The following SLC25A42 variants were observed in gnomAD, a reference collection of about 807,000 sequenced individuals.
The protein encoded by SLC25A42 is solute carrier family 25 member 42.
SLC25A42 carries 19 observed loss-of-function variants against 34.7 expected under a neutral mutation model. The ratio of observed to expected loss-of-function variants is 0.55; its 90% confidence interval spans 0.38 to 0.80. SLC25A42 has a LOEUF of 0.80. SLC25A42 is among the 30% of genes least tolerant of loss of function. The pLI is 0.00. For synonymous variants in SLC25A42, 205 were observed against 191.2 expected, an observed-to-expected ratio of 1.07 and a Z score of -0.59; for missense variants, 364 against 441.3, an observed-to-expected ratio of 0.82 and a Z score of 1.57.
intron 1 of SLC25A42, among the ~76,000 whole-genome samples, chr19:19,085,952 T>C (rs1020759279): frequency 2.6e-5 from 4 of 152,318 alleles, no homozygotes; most frequent in South Asian, 2.1e-4. Flanking sequence ...CCCTCAACAC[T>C]GAGCCCCTGG....
rs575483089 is a variant in SLC25A42 at position 19,068,075 on chromosome 19, G to T, written c.-35+3960G>T. Among the ~76,000 whole-genome samples the T allele has an allele frequency of 9.9e-5, 15 of 152,246 alleles. No individual in the cohort carries two copies. The South Asian group carries it at 3.1e-3, about 32-fold the overall frequency. ...ATACTTCTTCATAAAAAGTATATTG[G>T]CCGGGCACAGTGGCTCACACCTGTA... On this transcript the variant is annotated intron_variant, in intron 1 of 7. Transcript: ENST00000318596.
chr19:19,075,074 G>A (rs2145900589), intron 1 of SLC25A42, among the ~76,000 whole-genome samples: 1 of 152,148 alleles, frequency 6.6e-6, no homozygotes, highest in South Asian at 2.1e-4. Flanking sequence ...GATCACCTGA[G>A]CCCAAAAGAT....
chr19:19,095,794 C>T, intron 1 of SLC25A42: 1 of 418,748 alleles, frequency 2.4e-6, no homozygotes, highest in South Asian at 2.0e-5. Context: ...GCTGGCCCCA[C>T]AACCCGCTGG....
At chr19:19,110,105 G>A (rs150672729) in intron 7 of SLC25A42, among the ~76,000 whole-genome samples, 3 of 152,234 alleles carry the variant, frequency 2.0e-5, no homozygotes, top group African/African-American at 7.2e-5. Flanking sequence ...CCAGCACTTT[G>A]GGAGGCCGAG....
At position 19,095,994 on chromosome 19, in the gene SLC25A42, C is replaced by A. The variant is rs115983311; in HGVS notation, c.-34-97C>A. ...ATGCAGTTGAGGGCATCCCTCCCCA[C>A]GCAGGGAGCCAGAAACTGGGATAGG... On this transcript the variant is annotated intron_variant, in intron 1 of 7. Transcript: ENST00000318596. 1,798 of 807,504 alleles carry A rather than the reference C, an allele frequency of 2.2e-3. 19 individuals carry two copies. The African/African-American group carries it at 0.028, about 12-fold the overall frequency. The allele number at this position is 807,504 out of a possible 1,614,324, so 50.0% of individuals were successfully genotyped here.
chr19:19,093,583 G>A (rs1445325030), intron 1 of SLC25A42, among the ~76,000 whole-genome samples: 2 of 152,290 alleles, frequency 1.3e-5, no homozygotes, highest in East Asian at 3.9e-4. Flanking sequence ...GGGCTGAGAC[G>A]GTTTCTCAGG....
chr19:19,103,065 C>T (rs561368000), intron 3 of SLC25A42, among the ~76,000 whole-genome samples: 9 of 152,054 alleles, frequency 5.9e-5, no homozygotes, highest in South Asian at 4.2e-4. Flanking sequence ...TGTCTGTTTT[C>T]TCTCTCTCTC....
intron 1 of SLC25A42, among the ~76,000 whole-genome samples, chr19:19,093,396 G>A (rs1599679153): frequency 6.6e-6 from 1 of 152,212 alleles, no homozygotes; most frequent in African/African-American, 2.4e-5. Flanking sequence ...CGTCCCTTAC[G>A]CATAACCTCT....
rs752702761 is a variant in SLC25A42, at chr19:19,105,596, C to A, written c.249C>A (p.Asn83Lys). 1 of 1,613,998 alleles carries A rather than the reference C, an allele frequency of 6.2e-7. No homozygotes were observed. The highest frequency in any genetic ancestry group is 1.3e-5 in the African/African-American group (1 of 75,034). The change falls in exon 5 of 8, where the codon AAC becomes AAA. Residue 83 changes from asparagine to lysine, a missense_variant. Coordinates refer to ENST00000318596, the MANE Select transcript of SLC25A42 (RefSeq NM_178526.5). Reference sequence around the variant, plus strand: ...GGGTCCTCTACTACACCTACCTCAACGAGGGATTTCTCAGCTTGTGGCGCG... The same window carrying A: ...GGGTCCTCTACTACACCTACCTCAAAGAGGGATTTCTCAGCTTGTGGCGCG... Reference protein sequence around the residue: ...AFRVLYYTYLNEGFLSLWRGN... With the variant: ...AFRVLYYTYLKEGFLSLWRGN...
chr19:19,096,291 C>A, intron 2 of SLC25A42, 86 bp downstream of exon 2: 1 of 1,010,550 alleles, frequency 9.9e-7, no homozygotes, highest in Non-Finnish European at 1.5e-6. Flanking sequence ...CCTCCTCCTC[C>A]CAGCCTCTGC....
At chr19:19,097,135 C>G (rs1438122601) in intron 2 of SLC25A42, among the ~76,000 whole-genome samples, 1 of 152,192 alleles carries the variant, frequency 6.6e-6, no homozygotes, top group African/African-American at 2.4e-5. Flanking sequence ...TCAGCTGAAC[C>G]TGAAACACAG....
At chr19:19,104,692 A>AG (rs1348074872) in intron 3 of SLC25A42, among the ~76,000 whole-genome samples, 3 of 152,184 alleles carry the variant, frequency 2.0e-5, no homozygotes, top group Non-Finnish European at 4.4e-5. Context: ...AGTCTAGTCC[A>AG]GGGGCAGGGT....
At chr19:19,075,543 C>T (rs940419288) in intron 1 of SLC25A42, among the ~76,000 whole-genome samples, 10 of 152,136 alleles carry the variant, frequency 6.6e-5, no homozygotes, top group Admixed American at 2.6e-4. Context: ...CTAGAGTGAA[C>T]GTGGCAAGGC....
chr19:19,101,424 G>T (rs1299149811), intron 2 of SLC25A42, among the ~76,000 whole-genome samples: 5 of 152,178 alleles, frequency 3.3e-5, no homozygotes, highest in Non-Finnish European at 5.9e-5. Context: ...TTCAGTCCCT[G>T]TGTACCTACA....
intron 6 of SLC25A42, 100 bp from the exon 7 acceptor site, chr19:19,107,794 C>A: frequency 8.0e-7 from 1 of 1,250,570 alleles, no homozygotes; most frequent in South Asian, 1.3e-5. Context: ...CCAGACACAC[C>A]CAGGCCCAGC....
intron 1 of SLC25A42, among the ~76,000 whole-genome samples, chr19:19,066,319 A>ATTT (rs2059601675): frequency 2.0e-5 from 3 of 152,192 alleles, no homozygotes; most frequent in Admixed American, 6.5e-5. Context: ...GGTGGCAGAA[A>ATTT]GGGGTCGGGG....
intron 1 of SLC25A42, among the ~76,000 whole-genome samples, chr19:19,093,531 T>G (rs1349982290): frequency 6.6e-6 from 1 of 152,208 alleles, no homozygotes; most frequent in African/African-American, 2.4e-5. Context: ...TGTCCAAGGA[T>G]CCCACCTGAT....
intron 2 of SLC25A42, among the ~76,000 whole-genome samples, chr19:19,101,420 C>T (rs529181444): frequency 6.6e-6 from 1 of 152,282 alleles, no homozygotes; most frequent in South Asian, 2.1e-4. Flanking sequence ...TGTTTTCAGT[C>T]CCTGTGTACC....
At chr19:19,085,683 T>C (rs867931763) in intron 1 of SLC25A42, among the ~76,000 whole-genome samples, 44 of 152,180 alleles carry the variant, frequency 2.9e-4, no homozygotes, top group African/African-American at 1.0e-3. Flanking sequence ...ATAGCCACTA[T>C]TGTGTTGTAT....
Sources: allele counts gnomAD v4.1 joint callset (sites outside exome capture counted in the v4.1 genomes callset), GRCh38; gene constraint gnomAD v4.1.1; transcripts MANE v1.5; gene names NCBI Gene and HGNC (gene_info 2026-07-23, HGNC 2026-07-21).